Variants in PLCE1 observed in about 807,000 individuals in gnomAD.
PLCE1 encodes the protein phospholipase C epsilon 1.
In PLCE1, 119 loss-of-function variants were observed where a neutral mutation model predicts 242.8. The ratio of observed to expected loss-of-function variants is 0.49; its 90% CI spans 0.42 to 0.57. The LOEUF (loss-of-function observed/expected upper bound fraction) is 0.57. Among genes scored for constraint, PLCE1 ranks in the 20% least tolerant of loss-of-function variants. PLCE1 has a pLI of 0.00. For missense variants in PLCE1, 2,441 were observed against 2,788.8 expected, an observed-to-expected ratio of 0.88 and a Z score of 2.81; for synonymous variants, 945 against 1,017.4, an observed-to-expected ratio of 0.93 and a Z score of 1.35.
chr10:94,086,496 C>G (rs1294036118), intron 2 of PLCE1, among the ~76,000 whole-genome samples: 1 of 152,182 alleles, frequency 6.6e-6, no homozygotes, highest in African/African-American at 2.4e-5. Context: ...CTCCCATTGT[C>G]CTTTATATCT....
intron 3 of PLCE1, among the ~76,000 whole-genome samples, chr10:94,144,278 C>T (rs948772481): frequency 1.3e-5 from 2 of 152,204 alleles, no homozygotes; most frequent in South Asian, 2.1e-4. Context: ...ACTCAGGGAT[C>T]CCGTGTACTG....
intron 3 of PLCE1, among the ~76,000 whole-genome samples, chr10:94,152,517 A>G (rs2047306529): frequency 6.6e-6 from 1 of 152,216 alleles, no homozygotes; most frequent in South Asian, 2.1e-4. Context: ...ACAAATGGTT[A>G]AAAGCCTGGG....
chr10:94,253,059 T>C (rs2050937289), intron 9 of PLCE1, among the ~76,000 whole-genome samples: 2 of 152,220 alleles, frequency 1.3e-5, no homozygotes. Flanking sequence ...GTAAAGTATA[T>C]TAGCACTGTG....
chr10:94,274,026 A>G (rs1460304508), intron 19 of PLCE1, among the ~76,000 whole-genome samples: 1 of 152,224 alleles, frequency 6.6e-6, no homozygotes, highest in African/African-American at 2.4e-5. Context: ...TGTTCATCCC[A>G]TAATGGCTGC....
chr10:94,216,174 T>A (rs1675904103), intron 4 of PLCE1, among the ~76,000 whole-genome samples: 1 of 152,210 alleles, frequency 6.6e-6, no homozygotes, highest in African/African-American at 2.4e-5. Context: ...TTAAGTAGAC[T>A]CTGTAAAAGC....
chr10:94,040,307 A>T (rs1170864510), intron 2 of PLCE1, among the ~76,000 whole-genome samples: 1 of 152,164 alleles, frequency 6.6e-6, no homozygotes, highest in Non-Finnish European at 1.5e-5. Context: ...CCCAAACTCC[A>T]GTCTGCATAG....
chr10:94,070,152 C>A (rs1311106396), intron 2 of PLCE1, among the ~76,000 whole-genome samples: 5 of 152,036 alleles, frequency 3.3e-5, no homozygotes, highest in Non-Finnish European at 7.4e-5. Context: ...GTACTGTCAG[C>A]CAATTTTAAA....
chr10:94,039,242 G>GATAA (rs1223542718), intron 2 of PLCE1, among the ~76,000 whole-genome samples: 1 of 152,076 alleles, frequency 6.6e-6, no homozygotes, highest in East Asian at 1.9e-4. Flanking sequence ...ATTTCTTTTG[G>GATAA]ATAAATACCC....
chr10:94,057,352 G>T (rs557290352), intron 2 of PLCE1, among the ~76,000 whole-genome samples: 24 of 151,836 alleles, frequency 1.6e-4, no homozygotes, highest in African/African-American at 5.6e-4. Flanking sequence ...TCCTTAAAAC[G>T]CTCATAACAG....
At chr10:94,160,799 G>T (rs1159297796) in intron 3 of PLCE1, among the ~76,000 whole-genome samples, 1 of 152,164 alleles carries the variant, frequency 6.6e-6, no homozygotes, top group Non-Finnish European at 1.5e-5. Context: ...TGTAAGGAAG[G>T]CATCCAGTTT....
chr10:94,279,029 A>T (rs1204209837), intron 19 of PLCE1, among the ~76,000 whole-genome samples: 1 of 152,168 alleles, frequency 6.6e-6, no homozygotes, highest in Non-Finnish European at 1.5e-5. Flanking sequence ...TCTCCAGCAG[A>T]CAACCATTGC....
At chr10:94,188,684 C>T (rs989717924) in intron 4 of PLCE1, among the ~76,000 whole-genome samples, 4 of 152,226 alleles carry the variant, frequency 2.6e-5, no homozygotes, top group South Asian at 2.1e-4. Flanking sequence ...TGGCTCACTG[C>T]GACCTCCACC....
At chr10:94,038,914 G>A (rs1326291967) in intron 2 of PLCE1, among the ~76,000 whole-genome samples, 1 of 152,024 alleles carries the variant, frequency 6.6e-6, no homozygotes, top group Non-Finnish European at 1.5e-5. Context: ...CAGCCCTAAG[G>A]AACCACTAAT....
chr10:94,019,111 C>T (rs1225514172), intron 1 of PLCE1, among the ~76,000 whole-genome samples: 1 of 152,048 alleles, frequency 6.6e-6, no homozygotes, highest in Non-Finnish European at 1.5e-5. Context: ...ACTTATTTTT[C>T]CCCATTTTGC....
chr10:94,127,987 C>CT (rs33916545), intron 2 of PLCE1, among the ~76,000 whole-genome samples: 32,871 of 118,222 alleles, frequency 0.28, 6,347 homozygotes, highest in Non-Finnish European at 0.39. Flanking sequence ...AATACCTTGA[C>CT]TTTTTTTTTT....
intron 4 of PLCE1, among the ~76,000 whole-genome samples, chr10:94,198,206 G>A (rs1420122564): frequency 6.6e-6 from 1 of 152,118 alleles, no homozygotes; most frequent in Non-Finnish European, 1.5e-5. Context: ...AGAGGGATCA[G>A]CACTTAGGGT....
rs1335284167 is a variant in PLCE1, at chr10:94,186,500, T to C, written c.1809+15004T>C. Among the ~76,000 whole-genome samples, 13 of 152,262 alleles carry C rather than the reference T, an allele frequency of 8.5e-5. No individual in the cohort carries two copies. In the East Asian group the frequency reaches 2.5e-3, roughly 29 times the overall value. ...ATCTTAATTCAGCTCTGTATTGAAT[T>C]AACTAACACTCTAGATTTTTTCATA... On this transcript the variant is annotated intron_variant, in intron 4 of 32. Coordinates refer to ENST00000371380, the MANE Select transcript of PLCE1 (RefSeq NM_016341.4).
rs2051617733 is a variant in PLCE1 at position 94,269,027 on chromosome 10, C to T, written c.4380C>T (p.Ile1460=). The change falls in exon 17 of 33, where the codon ATC becomes ATT. Residue 1460 remains isoleucine, a synonymous_variant. Coordinates refer to ENST00000371380, the MANE Select transcript of PLCE1 (RefSeq NM_016341.4). ...IYHGHTLTTK[I]PFKEVVEAID... ...ATGGACATACGCTGACAACCAAGAT[C>T]CCCTTCAAGGTAATCCTTCATAACT... 8 of 1,565,726 alleles carry T rather than the reference C, an allele frequency of 5.1e-6. No individual in the cohort carries two copies. In the East Asian group the frequency reaches 1.6e-4, roughly 31 times the overall value.
chr10:94,212,547 C>G (rs547223825), intron 4 of PLCE1, among the ~76,000 whole-genome samples: 1 of 152,270 alleles, frequency 6.6e-6, no homozygotes, highest in East Asian at 1.9e-4. Flanking sequence ...TGAGCCACCA[C>G]GCCCAGCCAA....
Sources: allele counts gnomAD v4.1 joint callset (sites outside exome capture counted in the v4.1 genomes callset), GRCh38; gene constraint gnomAD v4.1.1; transcripts MANE v1.5; gene names NCBI Gene and HGNC (gene_info 2026-07-23, HGNC 2026-07-21).